Variants in MEGF10 observed in about 807,000 individuals in gnomAD.
The protein encoded by MEGF10 is multiple epidermal growth factor-like domains protein 10.
In MEGF10, 86 loss-of-function variants were observed where a neutral mutation model predicts 147.5. The observed-to-expected ratio is 0.58, with a 90% CI of 0.49 to 0.70. MEGF10 has a LOEUF of 0.70. Among genes scored for constraint, MEGF10 ranks in the 30% least tolerant of loss-of-function variants. The probability of loss-of-function intolerance (pLI) is 0.00; values close to 1 mark genes in which losing one functional copy is unlikely to be tolerated. For synonymous variants in MEGF10, 478 were observed against 525.5 expected (o/e 0.91, Z 1.24); for missense variants, 1,329 against 1,487.3 (o/e 0.89, Z 1.75).
rs141305722 is a variant in MEGF10 at position 127,458,239 on chromosome 5, C to T, written c.*921C>T. The stretch of plus-strand genomic sequence containing the variant: ...AATTTTAAATGCAAGATGACGCTTA[C>T]GTTCTGTAAACCATTAGTAATACAT... On this transcript the variant is annotated 3_prime_UTR_variant, in exon 25 of 25. Coordinates refer to ENST00000503335, the MANE Select transcript of MEGF10 (RefSeq NM_001256545.2). 6.1e-4 allele frequency: 93 copies of T among 152,300 alleles called. No individual in the cohort carries two copies. The highest frequency in any genetic ancestry group is 2.1e-3 in the African/African-American group (87 of 41,578). The allele number at this position is 152,300 out of a possible 1,614,324, so 9.4% of individuals were successfully genotyped here.
At position 127,417,712 on chromosome 5, in the gene MEGF10, C is replaced by T. The variant is rs1646458646; in HGVS notation, c.1205C>T (p.Pro402Leu). Reference sequence around the variant, plus strand: ...CTCTACTGTAATGAGACATGTTCTCCTGGATTCTACGGGGAAGCTTGCCAG... The same window carrying T: ...CTCTACTGTAATGAGACATGTTCTCTTGGATTCTACGGGGAAGCTTGCCAG... Reference protein sequence around the residue: ...SGLYCNETCSPGFYGEACQQI... With the variant: ...SGLYCNETCSLGFYGEACQQI... Residue 402 changes from proline (P) to leucine (L), a missense_variant, in exon 10 of 25, where the codon CCT becomes CTT. By Grantham distance (98) the Pro-to-Leu change is moderately conservative. Around this residue, in one of 3 missense-constraint regions of MEGF10, gnomAD observed 980 missense variants for 1,085.9 expected, o/e 0.90. Coordinates refer to ENST00000503335, the MANE Select transcript of MEGF10 (RefSeq NM_001256545.2). 1 of 1,614,130 alleles carries T rather than the reference C, an allele frequency of 6.2e-7. No homozygotes were observed. Among genetic ancestry groups the T allele is most frequent in the African/African-American group, 1.3e-5 (1 of 75,042 alleles).
intron 23 of MEGF10, 148 bp from the exon 24 acceptor site, chr5:127,455,253 T>C: frequency 1.4e-6 from 1 of 740,594 alleles, no homozygotes; most frequent in South Asian, 1.8e-5. Flanking sequence ...TAGCAGATTC[T>C]CTCCAAAACA....
At chr5:127,433,785 T>G (rs1765467842) in intron 14 of MEGF10, among the ~76,000 whole-genome samples, 1 of 152,256 alleles carries the variant, frequency 6.6e-6, no homozygotes, top group Non-Finnish European at 1.5e-5. Flanking sequence ...GATATATTTC[T>G]TCACCCTTCC....
At chr5:127,369,607 C>G (rs548856238) in intron 4 of MEGF10, among the ~76,000 whole-genome samples, 4 of 152,284 alleles carry the variant, frequency 2.6e-5, no homozygotes, top group South Asian at 2.1e-4. Context: ...ATATTTGATA[C>G]TCACTGATAA....
Position 127,299,372 on chromosome 5 carries a change from AG to A in MEGF10, c.-19+8317del, listed in dbSNP as rs369383009. Among the ~76,000 whole-genome samples the A allele has an allele frequency of 4.7e-3, 712 of 152,304 alleles. 4 individuals are homozygous for A. The highest frequency in any genetic ancestry group is 0.016 in the African/African-American group (682 of 41,556). ...TGAAATACAATGAGTGCCATTAGAAAGTTATTGATAAGTTTGGACAGTTATG... is the reference window on the plus strand; with the variant it reads ...TGAAATACAATGAGTGCCATTAGAAATTATTGATAAGTTTGGACAGTTATG... On this transcript the variant is annotated intron_variant, in intron 1 of 24. Transcript: ENST00000503335.
intron 13 of MEGF10, among the ~76,000 whole-genome samples, chr5:127,432,140 G>T (rs1460189825): frequency 1.3e-5 from 2 of 152,148 alleles, no homozygotes; most frequent in African/African-American, 4.8e-5. Flanking sequence ...ACACAATGAG[G>T]TCTGCATGCT....
At chr5:127,423,402 C>T (rs558883262) in intron 13 of MEGF10, among the ~76,000 whole-genome samples, 53 of 152,198 alleles carry the variant, frequency 3.5e-4, no homozygotes, top group Non-Finnish European at 6.3e-4. Flanking sequence ...GAAGTTTCTG[C>T]TCATGGTATA....
At chr5:127,231,863 AAGAG>A in the MEGF10 span, among the ~76,000 whole-genome samples, 1 of 152,192 alleles carries the variant, frequency 6.6e-6, no homozygotes, top group Non-Finnish European at 1.5e-5. Flanking sequence ...AATGTGGAAG[AAGAG>A]AGAGAGCCTA....
intron 4 of MEGF10, among the ~76,000 whole-genome samples, chr5:127,344,906 C>T (rs1460743275): frequency 6.6e-6 from 1 of 152,210 alleles, no homozygotes; most frequent in Non-Finnish European, 1.5e-5. Context: ...GTTACTGCTG[C>T]AGTTTCTAAA....
intron 1 of MEGF10, among the ~76,000 whole-genome samples, chr5:127,298,054 G>A (rs1304615794): frequency 6.6e-6 from 1 of 152,186 alleles, no homozygotes; most frequent in Admixed American, 6.5e-5. Context: ...GCCACCAAAT[G>A]TGTGGCTTGA....
At chr5:127,293,619 T>G (rs1400716514) in intron 1 of MEGF10, among the ~76,000 whole-genome samples, 2 of 152,198 alleles carry the variant, frequency 1.3e-5, no homozygotes, top group Admixed American at 6.5e-5. Flanking sequence ...GAATTTACCT[T>G]CTTTGTGATT....
chr5:127,415,128 G>A (rs1387854904), intron 9 of MEGF10, among the ~76,000 whole-genome samples: 2 of 152,128 alleles, frequency 1.3e-5, no homozygotes, highest in Non-Finnish European at 2.9e-5. Context: ...GTCAAGCATA[G>A]CAATAAAGAG....
At chr5:127,390,563 T>A (rs1763610110) in intron 5 of MEGF10, among the ~76,000 whole-genome samples, 1 of 152,222 alleles carries the variant, frequency 6.6e-6, no homozygotes, top group South Asian at 2.1e-4. Flanking sequence ...AGTGCTGGGA[T>A]CACAGGCATA....
At chr5:127,414,428 C>T (rs1287535943) in intron 9 of MEGF10, among the ~76,000 whole-genome samples, 1 of 152,078 alleles carries the variant, frequency 6.6e-6, no homozygotes, top group Non-Finnish European at 1.5e-5. Flanking sequence ...GAGACTTACT[C>T]AGTGCCCAGT....
the MEGF10 span, among the ~76,000 whole-genome samples, chr5:127,283,475 G>A: frequency 1.3e-5 from 2 of 152,162 alleles, no homozygotes; most frequent in South Asian, 4.1e-4. Flanking sequence ...GTAAGTCTAT[G>A]TTTACAAGAA....
At chr5:127,427,670 C>T (rs967927110) in intron 13 of MEGF10, among the ~76,000 whole-genome samples, 1 of 152,078 alleles carries the variant, frequency 6.6e-6, no homozygotes, top group Non-Finnish European at 1.5e-5. Context: ...CAAGTTTGAC[C>T]AGCTGAGTGA....
At chr5:127,320,923 A>C (rs1760763944) in intron 1 of MEGF10, among the ~76,000 whole-genome samples, 1 of 152,368 alleles carries the variant, frequency 6.6e-6, no homozygotes, top group African/African-American at 2.4e-5. Flanking sequence ...ACATCTGTAC[A>C]GTGTAAATAT....
At chr5:127,338,977 C>A in intron 2 of MEGF10, 143 bp from the exon 3 acceptor site, 2 of 435,472 alleles carry the variant, frequency 4.6e-6, no homozygotes, top group South Asian at 1.1e-4. Context: ...AATAAAAACC[C>A]ATAAAAACAT....
At chr5:127,436,301 A>G (rs1247402746) in intron 16 of MEGF10, among the ~76,000 whole-genome samples, 4 of 152,232 alleles carry the variant, frequency 2.6e-5, no homozygotes, top group African/African-American at 9.6e-5. Flanking sequence ...TGCAAATACT[A>G]ATTGATGAGC....
Sources: gnomAD v4.1 joint callset for allele counts (sites outside exome capture counted in the v4.1 genomes callset) on GRCh38, gnomAD v4.1.1 for gene constraint, gnomAD v4.1.1 regional missense constraint, MANE v1.5 for transcripts, NCBI Gene and HGNC (gene_info 2026-07-23, HGNC 2026-07-21) for gene names.